Variants in IL1RAPL1 observed in about 807,000 individuals in gnomAD.
The protein encoded by IL1RAPL1 is interleukin 1 receptor accessory protein like 1.
In IL1RAPL1, 3 loss-of-function variants were observed where a neutral mutation model predicts 48.4. The ratio of observed to expected loss-of-function variants is 0.06; its 90% CI spans 0.03 to 0.16. IL1RAPL1 has a LOEUF of 0.16. Ranked by LOEUF, IL1RAPL1 falls within the 10% of genes least tolerant of loss-of-function variation. The pLI is 1.00. For missense variants in IL1RAPL1, 349 were observed against 530.6 expected, an observed-to-expected ratio of 0.66 and a Z score of 3.36; for synonymous variants, 185 against 187.7, an observed-to-expected ratio of 0.99 and a Z score of 0.12.
intron 3 of IL1RAPL1, among the ~76,000 whole-genome samples, chrX:29,385,105 A>G (rs1424415776): frequency 8.9e-6 from 1 of 111,949 alleles, no homozygotes; most frequent in Admixed American, 9.5e-5. Context: ...TTACATTCAG[A>G]GTGTTGTGCA....
chrX:29,944,456 A>G (rs1933183194), intron 9 of IL1RAPL1, among the ~76,000 whole-genome samples: 1 of 111,833 alleles, frequency 8.9e-6, no homozygotes. Context: ...TTTAAAATCT[A>G]TATCTTAACA....
chrX:29,088,833 A>C (rs1928016270), intron 2 of IL1RAPL1, among the ~76,000 whole-genome samples: 1 of 111,103 alleles, frequency 9.0e-6, no homozygotes, highest in East Asian at 2.8e-4. Flanking sequence ...TTTAATGCAA[A>C]AAAGAATTAT....
At chrX:28,853,327 G>A (rs753580628) in intron 2 of IL1RAPL1, among the ~76,000 whole-genome samples, 1 of 111,537 alleles carries the variant, frequency 9.0e-6, no homozygotes, top group East Asian at 2.8e-4. Flanking sequence ...CTTTGAAAAC[G>A]ACCTTTTCCA....
At chrX:29,489,229 T>C (rs1036639538) in intron 5 of IL1RAPL1, among the ~76,000 whole-genome samples, 11 of 111,621 alleles carry the variant, frequency 9.9e-5, no homozygotes, top group Non-Finnish European at 3.8e-5. Flanking sequence ...ACAGGGGGTT[T>C]ATTTTATCTA....
chrX:28,893,784 A>T (rs1288065374), intron 2 of IL1RAPL1, among the ~76,000 whole-genome samples: 1 of 112,128 alleles, frequency 8.9e-6, no homozygotes, highest in Non-Finnish European at 1.9e-5. Flanking sequence ...AGAAGAGGTT[A>T]TGAAATGATG....
intron 2 of IL1RAPL1, among the ~76,000 whole-genome samples, chrX:29,253,233 C>A (rs997707695): frequency 9.1e-6 from 1 of 110,464 alleles, no homozygotes; most frequent in African/African-American, 3.3e-5. Flanking sequence ...GAAAATCAGT[C>A]ATGCTAGATG....
chrX:29,250,348 G>C (rs1301815802), intron 2 of IL1RAPL1, among the ~76,000 whole-genome samples: 1 of 112,234 alleles, frequency 8.9e-6, no homozygotes, highest in Non-Finnish European at 1.9e-5. Context: ...TAATGAACTT[G>C]AGTGAGTAGG....
chrX:29,945,797 G>T (rs1933203690), intron 9 of IL1RAPL1, among the ~76,000 whole-genome samples: 1 of 112,050 alleles, frequency 8.9e-6, no homozygotes, highest in Non-Finnish European at 1.9e-5. Context: ...TTATCAGAAG[G>T]ATTATGATTG....
intron 2 of IL1RAPL1, among the ~76,000 whole-genome samples, chrX:29,002,947 T>C (rs918339762): frequency 4.6e-5 from 5 of 108,754 alleles, no homozygotes. Context: ...ACACACGATC[T>C]CATAGAGTGA....
intron 2 of IL1RAPL1, among the ~76,000 whole-genome samples, chrX:29,107,337 A>T (rs1309061835): frequency 8.9e-6 from 1 of 112,336 alleles, no homozygotes; most frequent in Non-Finnish European, 1.9e-5. Flanking sequence ...ACATTTTTAA[A>T]AATAAACTTT....
chrX:29,691,884 C>A, intron 6 of IL1RAPL1, among the ~76,000 whole-genome samples: 1 of 111,087 alleles, frequency 9.0e-6, no homozygotes, highest in East Asian at 2.8e-4. Context: ...AATCATAATA[C>A]GTTTTGTTTT....
intron 5 of IL1RAPL1, among the ~76,000 whole-genome samples, chrX:29,422,811 C>T (rs1009160358): frequency 9.0e-6 from 1 of 111,204 alleles, no homozygotes; most frequent in Non-Finnish European, 1.9e-5. Context: ...GATGAAAAAC[C>T]TATGTAAACC....
intron 2 of IL1RAPL1, among the ~76,000 whole-genome samples, chrX:29,001,678 TC>T (rs1925855386): frequency 8.9e-6 from 1 of 111,830 alleles, no homozygotes; most frequent in African/African-American, 3.3e-5. Context: ...GATTTGACCT[TC>T]TAAAAGTTCA....
intron 6 of IL1RAPL1, among the ~76,000 whole-genome samples, chrX:29,845,147 A>AATTTGTTGC (rs767049234): frequency 8.9e-6 from 1 of 112,407 alleles, no homozygotes; most frequent in African/African-American, 3.2e-5. Context: ...TAGTATGTGT[A>AATTTGTTGC]ATTTGTTGCA....
At chrX:29,754,004 C>T (rs948414904) in intron 6 of IL1RAPL1, among the ~76,000 whole-genome samples, 2 of 111,748 alleles carry the variant, frequency 1.8e-5, no homozygotes, top group African/African-American at 6.5e-5. Context: ...TTTCTCTATT[C>T]ATTTGCTGTC....
Position 29,955,919 on chromosome X carries a change from A to G in IL1RAPL1, c.*99A>G. 1.5e-6 allele frequency: 1 copy of G among 669,397 alleles called. No individual in the cohort carries two copies. Among genetic ancestry groups the G allele is most frequent in the Admixed American group, 2.4e-5 (1 of 41,360 alleles). 55.2% of individuals were successfully genotyped at this position (669,397 alleles called of 1,213,427 possible). On this transcript the variant is annotated 3_prime_UTR_variant, in exon 11 of 11. Coordinates refer to ENST00000378993, the MANE Select transcript of IL1RAPL1 (RefSeq NM_014271.4). ...CGACTGCTGCTGTTAAAAAACATGC[A>G]TTAGAATCTCTAGAACACGAGGAAA...
chrX:29,590,084 C>A (rs534543158), intron 5 of IL1RAPL1, among the ~76,000 whole-genome samples: 5 of 110,100 alleles, frequency 4.5e-5, no homozygotes, highest in African/African-American at 1.7e-4. Flanking sequence ...AGAGCAGGAA[C>A]GAGAGAGAGA....
intron 6 of IL1RAPL1, among the ~76,000 whole-genome samples, chrX:29,836,047 T>C (rs897551304): frequency 1.8e-5 from 2 of 109,790 alleles, no homozygotes; most frequent in Non-Finnish European, 3.8e-5. Context: ...TTGGGTTGAG[T>C]TTTTTCTTTC....
At chrX:29,509,596 A>G (rs904246510) in intron 5 of IL1RAPL1, among the ~76,000 whole-genome samples, 1 of 112,419 alleles carries the variant, frequency 8.9e-6, no homozygotes, top group African/African-American at 3.2e-5. Context: ...ACCCAGATGG[A>G]AAGTTGGCAT....
Sources: allele counts gnomAD v4.1 joint callset (sites outside exome capture counted in the v4.1 genomes callset), GRCh38; gene constraint gnomAD v4.1.1; transcripts MANE v1.5; gene names NCBI Gene and HGNC (gene_info 2026-07-23, HGNC 2026-07-21).